CTNNA3: variants seen among roughly 807,000 people sequenced by gnomAD.
The protein encoded by CTNNA3 is catenin alpha-3.
Under a neutral mutation model 95.7 loss-of-function variants are expected in CTNNA3, and 76 were observed. The ratio of observed to expected loss-of-function variants is 0.79; its 90% CI spans 0.66 to 0.96. CTNNA3 has a LOEUF of 0.96. Ranked by LOEUF, CTNNA3 falls within the 40% of genes least tolerant of loss-of-function variation. The pLI is 0.00. For synonymous variants in CTNNA3, 431 were observed against 374.4 expected (o/e 1.15, Z -1.74); for missense variants, 1,191 against 1,089.8 (o/e 1.09, Z -1.31).
intron 1 of CTNNA3, among the ~76,000 whole-genome samples, chr10:67,752,060 T>G (rs1589589490): frequency 6.6e-6 from 1 of 152,162 alleles, no homozygotes; most frequent in African/African-American, 2.4e-5. Context: ...TGAACATTGA[T>G]GCAAAAGTCC....
chr10:66,340,668 T>C (rs922514964), intron 12 of CTNNA3, among the ~76,000 whole-genome samples: 2 of 151,772 alleles, frequency 1.3e-5, no homozygotes, highest in African/African-American at 4.8e-5. Context: ...TTATTAAAGA[T>C]AGTGTCTTAA....
intron 7 of CTNNA3, among the ~76,000 whole-genome samples, chr10:66,835,893 C>G (rs4462223): frequency 0.65 from 98,898 of 151,854 alleles, 32,514 homozygotes; most frequent in African/African-American, 0.72. Context: ...AGTAGGCTAG[C>G]GGGTGGGGCC....
At chr10:67,581,559 T>A (rs984995469) in intron 3 of CTNNA3, among the ~76,000 whole-genome samples, 1 of 152,224 alleles carries the variant, frequency 6.6e-6, no homozygotes, top group Non-Finnish European at 1.5e-5. Context: ...GGTATCAGGA[T>A]GATGCTGGCC....
intron 15 of CTNNA3, among the ~76,000 whole-genome samples, chr10:66,044,948 A>C (rs1347459317): frequency 1.3e-5 from 2 of 151,618 alleles, no homozygotes; most frequent in Non-Finnish European, 2.9e-5. Context: ...ATTTGTCCAT[A>C]CCACAGTTAG....
chr10:66,699,166 T>C (rs1589141122), intron 9 of CTNNA3, among the ~76,000 whole-genome samples: 1 of 152,174 alleles, frequency 6.6e-6, no homozygotes, highest in African/African-American at 2.4e-5. Flanking sequence ...GTGGCTAAGG[T>C]TGCAATGAAT....
intron 7 of CTNNA3, chr10:66,926,526 C>T (rs1847083120): frequency 1.3e-6 from 2 of 1,599,994 alleles, no homozygotes; most frequent in South Asian, 2.2e-5. Flanking sequence ...GGCTGTCATG[C>T]AACTGGCCCC....
chr10:66,964,183 G>A (rs1849276447), intron 7 of CTNNA3, among the ~76,000 whole-genome samples: 1 of 151,782 alleles, frequency 6.6e-6, no homozygotes, highest in African/African-American at 2.4e-5. Context: ...AACATCGTAG[G>A]AAAAACTTTG....
chr10:66,368,904 T>G (rs2092732808), intron 12 of CTNNA3, among the ~76,000 whole-genome samples: 1 of 152,112 alleles, frequency 6.6e-6, no homozygotes, highest in South Asian at 2.1e-4. Context: ...CAATCAACAC[T>G]AGACTTTAGA....
chr10:66,087,178 G>A (rs2081015714), intron 14 of CTNNA3, among the ~76,000 whole-genome samples: 1 of 151,886 alleles, frequency 6.6e-6, no homozygotes, highest in Admixed American at 6.6e-5. Flanking sequence ...AATCCCCTGG[G>A]CCCAATTTAA....
chr10:67,175,378 C>T (rs1862194061), intron 7 of CTNNA3, among the ~76,000 whole-genome samples: 1 of 152,042 alleles, frequency 6.6e-6, no homozygotes, highest in Non-Finnish European at 1.5e-5. Flanking sequence ...GGAAAAATCC[C>T]ATAACATCTC....
intron 17 of CTNNA3, among the ~76,000 whole-genome samples, chr10:65,926,016 T>C (rs1004849970): frequency 3.3e-5 from 5 of 150,128 alleles, no homozygotes; most frequent in Non-Finnish European, 5.9e-5. Flanking sequence ...TATATATTAA[T>C]ATGTAATGTA....
chr10:65,928,460 A>G (rs2077200949), intron 17 of CTNNA3, among the ~76,000 whole-genome samples: 1 of 152,176 alleles, frequency 6.6e-6, no homozygotes, highest in African/African-American at 2.4e-5. Flanking sequence ...TTCATTTAAC[A>G]TTAGATTCAT....
intron 5 of CTNNA3, among the ~76,000 whole-genome samples, chr10:67,379,994 C>G (rs1429655869): frequency 7.1e-6 from 1 of 140,218 alleles, no homozygotes; most frequent in African/African-American, 2.8e-5. Context: ...GCACTCCAGC[C>G]TGGGCGACAG....
intron 7 of CTNNA3, among the ~76,000 whole-genome samples, chr10:67,007,787 A>T (rs1268035850): frequency 2.6e-5 from 4 of 152,044 alleles, no homozygotes; most frequent in Non-Finnish European, 1.5e-5. Context: ...AGTTCAAAAA[A>T]TTGTCAAGTA....
chr10:66,844,394 T>C (rs930130480), intron 7 of CTNNA3, among the ~76,000 whole-genome samples: 1 of 152,236 alleles, frequency 6.6e-6, no homozygotes, highest in South Asian at 2.1e-4. Context: ...GCCTATTGAT[T>C]GGTGAGACTT....
intron 7 of CTNNA3, among the ~76,000 whole-genome samples, chr10:67,071,817 T>C (rs1856483539): frequency 1.3e-5 from 2 of 152,210 alleles, no homozygotes; most frequent in African/African-American, 4.8e-5. Flanking sequence ...CTTTCTATGC[T>C]TTGAGTATTT....
rs570504346 is a variant in CTNNA3, at chr10:66,864,758, T to C, written c.1048-89234A>G. On this transcript the variant is annotated intron_variant, in intron 7 of 17. Transcript: ENST00000433211. ...ATACTCAAATTCTGTTATAGAGTGC[T>C]CATTAACATAGATGTAGCTTTTAGA... Among the ~76,000 whole-genome samples, 24 of 152,284 alleles carry C rather than the reference T, an allele frequency of 1.6e-4. No homozygotes were observed. In the South Asian group the frequency reaches 5.0e-3, roughly 32 times the overall value.
At chr10:65,956,414 T>C (rs1289131651) in intron 17 of CTNNA3, among the ~76,000 whole-genome samples, 1 of 152,224 alleles carries the variant, frequency 6.6e-6, no homozygotes, top group Non-Finnish European at 1.5e-5. Context: ...TCTTAGTTAT[T>C]CTTGCCTTCT....
chr10:66,925,891 C>A (rs1200053775), intron 7 of CTNNA3: 1 of 398,396 alleles, frequency 2.5e-6, no homozygotes, highest in South Asian at 1.8e-5. Flanking sequence ...TCAGTTCCTA[C>A]TGAGCCACCC....
Sources: allele counts gnomAD v4.1 joint callset (sites outside exome capture counted in the v4.1 genomes callset), GRCh38; gene constraint gnomAD v4.1.1; transcripts MANE v1.5; gene names NCBI Gene and HGNC (gene_info 2026-07-23, HGNC 2026-07-21).